The following TDRD3 variants were observed in gnomAD, a reference collection of about 807,000 sequenced individuals.
TDRD3 encodes the protein tudor domain-containing protein 3.
In TDRD3, 45 loss-of-function variants were observed where a neutral mutation model predicts 86.7. The observed-to-expected ratio is 0.52, with a 90% CI of 0.41 to 0.67. The LOEUF is 0.67. Among genes scored for constraint, TDRD3 ranks in the 30% least tolerant of loss-of-function variants. The pLI, the probability that TDRD3 is intolerant of heterozygous loss-of-function variation, is 0.00. For missense variants in TDRD3, 814 were observed against 889.0 expected (o/e 0.92, Z 1.07); for synonymous variants, 298 against 301.7 (o/e 0.99, Z 0.13).
At chr13:60,480,751 C>T (rs1174869406) in intron 5 of TDRD3, among the ~76,000 whole-genome samples, 1 of 151,836 alleles carries the variant, frequency 6.6e-6, no homozygotes, top group Non-Finnish European at 1.5e-5. Context: ...TGGGGTGCTG[C>T]AAGTGGGAGT....
At chr13:60,550,470 C>T (rs1036710337) in intron 12 of TDRD3, among the ~76,000 whole-genome samples, 17 of 151,708 alleles carry the variant, frequency 1.1e-4, no homozygotes, top group Admixed American at 8.5e-4. Context: ...TCTGTAGATA[C>T]GAAGAGAGGA....
At chr13:60,456,695 A>G (rs9645946) in intron 3 of TDRD3, among the ~76,000 whole-genome samples, 22,636 of 151,896 alleles carry the variant, frequency 0.15, 2,109 homozygotes, top group South Asian at 0.28. Context: ...GATGTTTTAG[A>G]TGACTTTTTT....
intron 1 of TDRD3, among the ~76,000 whole-genome samples, chr13:60,404,058 T>A (rs925456619): frequency 1.1e-4 from 17 of 152,242 alleles, no homozygotes; most frequent in African/African-American, 4.1e-4. Flanking sequence ...GAAACACATC[T>A]GAGAGCAGTT....
intron 8 of TDRD3, among the ~76,000 whole-genome samples, chr13:60,498,769 A>G (rs1956770328): frequency 1.3e-5 from 2 of 152,238 alleles, no homozygotes; most frequent in Middle Eastern, 3.4e-3. Flanking sequence ...GTAACTGTGC[A>G]TTGGGGAAAG....
chr13:60,554,343 C>T (rs1324759533), intron 12 of TDRD3, among the ~76,000 whole-genome samples: 3 of 152,182 alleles, frequency 2.0e-5, no homozygotes, highest in Non-Finnish European at 4.4e-5. Flanking sequence ...TGTAGCTTAT[C>T]AACACTGTTA....
intron 3 of TDRD3, among the ~76,000 whole-genome samples, chr13:60,457,381 A>C (rs1243336940): frequency 2.6e-5 from 4 of 152,210 alleles, no homozygotes; most frequent in Admixed American, 6.5e-5. Flanking sequence ...TATTTTGAAG[A>C]TGTGGCTTAG....
intron 5 of TDRD3, among the ~76,000 whole-genome samples, chr13:60,472,462 A>G (rs1956093174): frequency 6.6e-6 from 1 of 152,212 alleles, no homozygotes; most frequent in Admixed American, 6.5e-5. Flanking sequence ...ATTATCCATT[A>G]CAATGTCTAC....
intron 10 of TDRD3, among the ~76,000 whole-genome samples, chr13:60,512,267 A>G (rs1171674221): frequency 6.6e-6 from 1 of 152,116 alleles, no homozygotes; most frequent in African/African-American, 2.4e-5. Context: ...AGAACAGCAC[A>G]GGAAAGACCT....
chr13:60,403,859 T>A (rs576685087), intron 1 of TDRD3, among the ~76,000 whole-genome samples: 2 of 152,300 alleles, frequency 1.3e-5, no homozygotes, highest in Middle Eastern at 6.8e-3. Context: ...AATTATAATA[T>A]CTTTACAATA....
intron 11 of TDRD3, among the ~76,000 whole-genome samples, chr13:60,533,536 G>A (rs537312840): frequency 1.3e-4 from 20 of 152,042 alleles, no homozygotes; most frequent in Non-Finnish European, 2.6e-4. Flanking sequence ...AGCTACTCGG[G>A]AGCCTGAGGC....
At chr13:60,422,363 T>C (rs1480915137) in intron 1 of TDRD3, among the ~76,000 whole-genome samples, 2 of 152,138 alleles carry the variant, frequency 1.3e-5, no homozygotes, top group East Asian at 1.9e-4. Flanking sequence ...ACTAGAAATA[T>C]TGTAAAACAG....
intron 1 of TDRD3, among the ~76,000 whole-genome samples, chr13:60,401,220 A>T (rs1725773634): frequency 6.6e-6 from 1 of 152,186 alleles, no homozygotes; most frequent in African/African-American, 2.4e-5. Flanking sequence ...AACCAGTCAC[A>T]GATCTAAAAT....
rs144578928 is a variant in TDRD3 at position 60,460,495 on chromosome 13, A to G, written c.308A>G (p.His103Arg). ...CTGCGATTACAGATGACTGATGGTC[A>G]TATAAGTTGCACAGCAGTAGAATTT... is the stretch of plus-strand genomic sequence containing the variant. Reference protein sequence around the residue: ...RMLRLQMTDGHISCTAVEFSY... With the variant: ...RMLRLQMTDGRISCTAVEFSY... The change falls in exon 4 of 14, where the codon CAT becomes CGT. Residue 103 changes from histidine to arginine, a missense_variant. Coordinates refer to ENST00000377881, the MANE Select transcript of TDRD3 (RefSeq NM_001146070.2). 27 of 1,581,890 alleles carry G rather than the reference A, an allele frequency of 1.7e-5. No individual in the cohort carries two copies. The East Asian group carries it at 2.1e-4, about 12-fold the overall frequency.
At position 60,567,636 on chromosome 13, in the gene TDRD3, A is replaced by T; in HGVS notation, c.2230A>T (p.Asn744Tyr). The T allele has an allele frequency of 6.2e-7, 1 of 1,613,992 alleles. No individual in the cohort carries two copies. ...GTTTTACCAACCACCCCGGGCTCGG[A>T]ACTAATAGGAAAAGGTAAACTTAAC... ...QQFYQPPRAR[N>Y] is the part of the protein sequence containing the mutation. The change falls in exon 13 of 14, where the codon AAC becomes TAC. Residue 744 changes from asparagine to tyrosine, a missense_variant. Coordinates refer to ENST00000377881, the MANE Select transcript of TDRD3 (RefSeq NM_001146070.2).
intron 10 of TDRD3, among the ~76,000 whole-genome samples, chr13:60,521,337 T>C (rs1310599468): frequency 2.6e-5 from 4 of 152,190 alleles, no homozygotes. Flanking sequence ...TCAGCAAATA[T>C]TTACTGAGTG....
intron 1 of TDRD3, among the ~76,000 whole-genome samples, chr13:60,406,430 TAAA>T (rs930885559): frequency 4.6e-5 from 7 of 152,240 alleles, no homozygotes; most frequent in African/African-American, 1.7e-4. Flanking sequence ...TATATTTTGT[TAAA>T]ATAATTATTA....
intron 5 of TDRD3, among the ~76,000 whole-genome samples, chr13:60,480,007 A>G (rs11617135): frequency 0.15 from 22,643 of 152,130 alleles, 2,112 homozygotes; most frequent in South Asian, 0.28. Context: ...ATTCAGGGTC[A>G]ATATTGATAT....
intron 13 of TDRD3, among the ~76,000 whole-genome samples, chr13:60,568,590 C>G (rs886167845): frequency 4.6e-5 from 7 of 152,170 alleles, no homozygotes; most frequent in Non-Finnish European, 2.9e-5. Context: ...TGAGAATTCT[C>G]TCTTAGCTTT....
chr13:60,466,978 T>TG (rs201194980), intron 4 of TDRD3, among the ~76,000 whole-genome samples: 6,621 of 151,852 alleles, frequency 0.044, 197 homozygotes, highest in Non-Finnish European at 0.063. Context: ...GTGTGTGTTT[T>TG]TTTGTTTTTT....
Sources: gnomAD v4.1 joint callset for allele counts (sites outside exome capture counted in the v4.1 genomes callset) on GRCh38, gnomAD v4.1.1 for gene constraint, MANE v1.5 for transcripts, NCBI Gene and HGNC (gene_info 2026-07-23, HGNC 2026-07-21) for gene names.